The following ATF7 variants were observed in gnomAD, a reference collection of about 807,000 sequenced individuals.
ATF7 encodes cyclic AMP-dependent transcription factor ATF-7.
A neutral mutation model predicts 50.4 loss-of-function variants in ATF7; 10 were observed. The observed-to-expected ratio is 0.20, with a 90% CI of 0.12 to 0.34. The LOEUF is 0.34. ATF7 is among the 10% of genes least tolerant of loss of function. ATF7 has a pLI of 1.00. For synonymous variants in ATF7, 201 were observed against 226.4 expected (o/e 0.89, Z 1.01); for missense variants, 465 against 613.9 (o/e 0.76, Z 2.56).
chr12:53,537,198 A>G (rs1939273633), intron 5 of ATF7, among the ~76,000 whole-genome samples: 1 of 151,926 alleles, frequency 6.6e-6, no homozygotes, highest in African/African-American at 2.4e-5. Flanking sequence ...ACTCTCAAGT[A>G]GCTGGAACTA....
chr12:53,573,133 A>C (rs1319562450), intron 2 of ATF7, among the ~76,000 whole-genome samples: 2 of 151,648 alleles, frequency 1.3e-5, no homozygotes. Flanking sequence ...ATTTTGAGAG[A>C]GAGAACACAT....
chr12:53,511,457 C>T (rs1371804452), downstream of ATF7, among the ~76,000 whole-genome samples: 1 of 152,124 alleles, frequency 6.6e-6, no homozygotes, highest in Non-Finnish European at 1.5e-5. Context: ...TCCATGTTGG[C>T]CAGGCTGGTC....
chr12:53,529,613 C>T (rs1360446081), intron 9 of ATF7, among the ~76,000 whole-genome samples: 5 of 146,460 alleles, frequency 3.4e-5, no homozygotes, highest in African/African-American at 1.0e-4. Flanking sequence ...TGTGAGCTAC[C>T]GCACCCGGCC....
chr12:53,576,742 A>G (rs1942088576), intron 2 of ATF7, among the ~76,000 whole-genome samples: 1 of 152,092 alleles, frequency 6.6e-6, no homozygotes, highest in Non-Finnish European at 1.5e-5. Context: ...CGCTACAGAT[A>G]AAAAACACTG....
At chr12:53,620,621 T>C (rs192301375) in intron 1 of ATF7, among the ~76,000 whole-genome samples, 1,922 of 144,302 alleles carry the variant, frequency 0.013, 39 homozygotes, top group South Asian at 0.042. Flanking sequence ...CCAGGTGTGG[T>C]GGCACATGCC....
At chr12:53,618,611 T>G (rs147262704) in intron 1 of ATF7, among the ~76,000 whole-genome samples, 2 of 152,158 alleles carry the variant, frequency 1.3e-5, no homozygotes, top group African/African-American at 4.8e-5. Context: ...TCTTCTGAAG[T>G]TGTATCTCAT....
At chr12:53,558,062 T>A (rs1373280436) in intron 2 of ATF7, among the ~76,000 whole-genome samples, 1 of 152,230 alleles carries the variant, frequency 6.6e-6, no homozygotes, top group Non-Finnish European at 1.5e-5. Context: ...CTAATCTAGA[T>A]AATATGCTCC....
intron 2 of ATF7, among the ~76,000 whole-genome samples, chr12:53,598,188 A>G (rs1943245717): frequency 6.6e-6 from 1 of 152,214 alleles, no homozygotes; most frequent in Non-Finnish European, 1.5e-5. Context: ...ATCACAGTAA[A>G]TCTTGTAGAG....
chr12:53,580,387 G>A lies in ATF7; in HGVS notation c.48+20566C>T, dbSNP rs149341478. 3.9e-3 allele frequency among the ~76,000 whole-genome samples: 587 copies of A among 151,324 alleles called. 1 individual carries two copies. The highest frequency in any genetic ancestry group is 0.013 in the African/African-American group (548 of 41,372). Reference sequence around the variant, plus strand: ...TAGATTAAAAGTAAAAAGATAGGCCGGGTGCGGTGGCTCACGCCTGTAATC... The same window carrying A: ...TAGATTAAAAGTAAAAAGATAGGCCAGGTGCGGTGGCTCACGCCTGTAATC... On this transcript the variant is annotated intron_variant, in intron 2 of 11. Coordinates refer to ENST00000420353, the MANE Select transcript of ATF7 (RefSeq NM_006856.3).
At chr12:53,552,107 C>T (rs543073956) in intron 3 of ATF7, among the ~76,000 whole-genome samples, 1 of 152,296 alleles carries the variant, frequency 6.6e-6, no homozygotes, top group East Asian at 1.9e-4. Flanking sequence ...TATGAACTGA[C>T]AATCTGCCTG....
intron 2 of ATF7, among the ~76,000 whole-genome samples, chr12:53,554,018 T>C (rs973717559): frequency 6.6e-6 from 1 of 152,238 alleles, no homozygotes; most frequent in Non-Finnish European, 1.5e-5. Context: ...CTCATGCCTG[T>C]AATTGCAGCA....
At chr12:53,579,256 C>T (rs989022596) in intron 2 of ATF7, among the ~76,000 whole-genome samples, 8 of 148,830 alleles carry the variant, frequency 5.4e-5, no homozygotes, top group African/African-American at 7.5e-5. Flanking sequence ...AAAAAAGGGC[C>T]GGGTGCAGTG....
chr12:53,587,836 TATA>T (rs1305032739), intron 2 of ATF7, among the ~76,000 whole-genome samples: 147 of 49,054 alleles, frequency 3.0e-3, no homozygotes, highest in African/African-American at 7.6e-3. Context: ...TATATATATA[TATA>T]TATATTTTTT....
intron 2 of ATF7, among the ~76,000 whole-genome samples, chr12:53,592,552 A>G (rs916408212): frequency 1.3e-5 from 2 of 152,230 alleles, no homozygotes; most frequent in Admixed American, 6.5e-5. Flanking sequence ...GATTTAAAGG[A>G]CAAGCTCTCT....
At chr12:53,562,884 A>G (rs1223807642) in intron 2 of ATF7, among the ~76,000 whole-genome samples, 4 of 152,180 alleles carry the variant, frequency 2.6e-5, no homozygotes, top group African/African-American at 9.7e-5. Flanking sequence ...GATTTAAATC[A>G]TTAGGAAGGA....
At chr12:53,617,437 G>A (rs1045822725) in intron 1 of ATF7, among the ~76,000 whole-genome samples, 1 of 152,134 alleles carries the variant, frequency 6.6e-6, no homozygotes, top group Non-Finnish European at 1.5e-5. Flanking sequence ...AGAGCAGCCT[G>A]GCCAACATGG....
rs77685741 is a variant in ATF7, at chr12:53,610,671, G to A, written c.-21-9650C>T. On this transcript the variant is annotated intron_variant, in intron 1 of 11. Coordinates refer to ENST00000420353, the MANE Select transcript of ATF7 (RefSeq NM_006856.3). ...TCATGTTTTACCAACACTTCAGAGC[G>A]TAACAGGTACTGTTATATATGCTTA... Among the ~76,000 whole-genome samples, 857 of 151,838 alleles carry A rather than the reference G, an allele frequency of 5.6e-3. 12 individuals carry two copies. Among genetic ancestry groups the A allele is most frequent in the South Asian group, 0.042 (200 of 4,812 alleles).
At chr12:53,534,790 C>A in intron 5 of ATF7, 131 bp from the exon 6 acceptor site, 1 of 1,043,674 alleles carries the variant, frequency 9.6e-7, no homozygotes, top group Admixed American at 3.1e-5. Flanking sequence ...TGACCTGATT[C>A]CATCAGGATC....
Position 53,533,190 on chromosome 12 carries a change from C to A in ATF7, c.630G>T (p.Gly210=). The A allele has an allele frequency of 6.2e-7, 1 of 1,613,772 alleles. No homozygotes were observed. The highest frequency in any genetic ancestry group is 8.5e-7 in the Non-Finnish European group (1 of 1,179,754). Residue 210 remains glycine (G), a synonymous_variant, in exon 7 of 12, where the codon GGG becomes GGT. Coordinates refer to ENST00000420353, the MANE Select transcript of ATF7 (RefSeq NM_006856.3). The stretch of plus-strand genomic sequence containing the variant: ...TAACAGACGGCATCTGTACTGGAGG[C>A]CCTGGCAACACAGGCATGGTCTGTC... The part of the protein sequence containing the change: ...ANGQTMPVLP[G]PPVQMPSVIS...
Sources: allele counts gnomAD v4.1 joint callset (sites outside exome capture counted in the v4.1 genomes callset), GRCh38; gene constraint gnomAD v4.1.1; transcripts MANE v1.5; gene names NCBI Gene and HGNC (gene_info 2026-07-23, HGNC 2026-07-21).